TFDP1: variants seen among roughly 807,000 people sequenced by gnomAD.
TFDP1 encodes the protein transcription factor Dp-1.
TFDP1 carries 6 observed loss-of-function variants against 48.0 expected under a neutral mutation model. The ratio of observed to expected loss-of-function variants is 0.13; its 90% CI spans 0.07 to 0.25. The LOEUF is 0.25. Among genes scored for constraint, TFDP1 ranks in the 10% least tolerant of loss-of-function variants. TFDP1 has a pLI of 1.00. For synonymous variants in TFDP1, 201 were observed against 211.6 expected (o/e 0.95, Z 0.44); for missense variants, 335 against 543.0 (o/e 0.62, Z 3.81).
intron 2 of TFDP1, among the ~76,000 whole-genome samples, chr13:113,600,036 C>T (rs2048373490): frequency 6.8e-6 from 1 of 148,124 alleles, no homozygotes; most frequent in Admixed American, 6.7e-5. Flanking sequence ...GGCTCCAGAA[C>T]CGTGAGAGAG....
rs760544215 is a variant in TFDP1, at chr13:113,631,752, C to T, written c.308+8C>T. ...CTCACCTTGGTCTGCCGGGTGAGCA[C>T]TTCCCTCTGGACCCTTAGAGTTGTA... On this transcript the variant is annotated splice_region_variant and intron_variant, in intron 5 of 11. Transcript: ENST00000375370. The T allele has an allele frequency of 1.2e-6, 2 of 1,613,886 alleles. No homozygotes were observed. Among genetic ancestry groups the T allele is most frequent in the South Asian group, 1.1e-5 (1 of 91,052 alleles).
At chr13:113,625,621 G>T (rs796272344) in intron 4 of TFDP1, among the ~76,000 whole-genome samples, 1 of 58,312 alleles carries the variant, frequency 1.7e-5, no homozygotes, top group African/African-American at 1.2e-4. Flanking sequence ...CGTCTCTCAC[G>T]TGTCCTCAGG....
rs4150790 is a variant in TFDP1, at chr13:113,634,145, C to T, written c.618+112C>T. 1,573 of 1,474,116 alleles carry T rather than the reference C, an allele frequency of 1.1e-3. 13 individuals are homozygous for T. The East Asian group carries it at 0.019, about 18-fold the overall frequency. 91.3% of individuals were successfully genotyped at this position (1,474,116 alleles called of 1,614,324 possible). On this transcript the variant is annotated intron_variant, in intron 7 of 11. Transcript: ENST00000375370. ...TCCGTGCCCTTATGCTCTCTGTGTCCGGCTGGCAGACGGTCATGCAGACGT... is the reference window on the plus strand; with the variant it reads ...TCCGTGCCCTTATGCTCTCTGTGTCTGGCTGGCAGACGGTCATGCAGACGT...
chr13:113,637,550 C>G, intron 10 of TFDP1: 1 of 1,419,018 alleles, frequency 7.0e-7, no homozygotes. Context: ...ACTGAGGCAG[C>G]AGCACACGTG....
intron 4 of TFDP1, among the ~76,000 whole-genome samples, chr13:113,631,378 T>C (rs2049332159): frequency 6.6e-6 from 1 of 152,106 alleles, no homozygotes; most frequent in Admixed American, 6.5e-5. Context: ...TCTTGTTGCT[T>C]TTGTCTAATT....
chr13:113,613,228 C>T (rs2048751016), intron 3 of TFDP1, among the ~76,000 whole-genome samples: 1 of 152,220 alleles, frequency 6.6e-6, no homozygotes, highest in Admixed American at 6.5e-5. Flanking sequence ...GTTGGTCAGA[C>T]TGGTTTCGAA....
intron 8 of TFDP1, among the ~76,000 whole-genome samples, 172 bp downstream of exon 8, chr13:113,634,774 A>G (rs2140619447): frequency 6.6e-6 from 1 of 150,822 alleles, no homozygotes; most frequent in South Asian, 2.1e-4. Context: ...TTATTCCCAG[A>G]GCGAGGTTGT....
intron 2 of TFDP1, among the ~76,000 whole-genome samples, chr13:113,608,300 A>T (rs917257496): frequency 2.0e-5 from 3 of 152,210 alleles, no homozygotes; most frequent in African/African-American, 7.2e-5. Context: ...GCTCATGCTC[A>T]TCCTGGTGAG....
intron 2 of TFDP1, 28 bp downstream of exon 2, chr13:113,585,877 C>T (rs190003987): frequency 3.1e-6 from 5 of 1,596,004 alleles, no homozygotes; most frequent in Admixed American, 3.3e-5. Flanking sequence ...ATGCTGCACA[C>T]GAATGTTTGC....
chr13:113,594,971 G>A (rs189986205), intron 2 of TFDP1, among the ~76,000 whole-genome samples: 41 of 152,302 alleles, frequency 2.7e-4, no homozygotes, highest in African/African-American at 9.4e-4. Context: ...CTATTTAGCC[G>A]TGTGTAATAA....
Position 113,613,635 on chromosome 13 carries a change from GCA to G in TFDP1, c.79+2574_79+2575del, listed in dbSNP as rs1257595999. 1.4e-4 allele frequency among the ~76,000 whole-genome samples: 20 copies of G among 146,896 alleles called. 1 individual carries two copies. Among genetic ancestry groups the G allele is most frequent in the African/African-American group, 3.3e-4 (13 of 38,990 alleles). On this transcript the variant is annotated intron_variant, in intron 3 of 11. Transcript: ENST00000375370. ...GCGTGGGTATGTGAGGAGTGTGTGT[GCA>G]TGTGTGTCTGCGTGAATGCGTGGGT...
intron 3 of TFDP1, among the ~76,000 whole-genome samples, chr13:113,621,644 T>C (rs2048997404): frequency 6.6e-6 from 1 of 152,246 alleles, no homozygotes; most frequent in African/African-American, 2.4e-5. Context: ...GCGAGCCTTC[T>C]GTTATGCCCG....
At chr13:113,622,098 C>T (rs371802113) in intron 3 of TFDP1, among the ~76,000 whole-genome samples, 3 of 152,226 alleles carry the variant, frequency 2.0e-5, no homozygotes, top group South Asian at 2.1e-4. Context: ...CCAGTGGACG[C>T]GTGACCCACA....
At chr13:113,589,935 G>A (rs927874734) in intron 2 of TFDP1, among the ~76,000 whole-genome samples, 2 of 152,204 alleles carry the variant, frequency 1.3e-5, no homozygotes, top group Non-Finnish European at 2.9e-5. Flanking sequence ...CGTCACACAC[G>A]ATTGTCCAGT....
chr13:113,618,533 T>A (rs993195667), intron 3 of TFDP1, among the ~76,000 whole-genome samples: 3 of 152,034 alleles, frequency 2.0e-5, no homozygotes, highest in South Asian at 2.1e-4. Flanking sequence ...AAACAACAAC[T>A]ACTACTACTA....
chr13:113,634,550 G>T lies in TFDP1; in HGVS notation c.635G>T (p.Arg212Ile). The change falls in exon 8 of 12, where the codon AGA becomes ATA. Residue 212 changes from arginine to isoleucine, a missense_variant. By Grantham distance (97) the Arg-to-Ile change is moderately conservative. Coordinates refer to ENST00000375370, the MANE Select transcript of TFDP1 (RefSeq NM_007111.5). ...CQNLEVERQR[R>I]LERIKQKQSQ... Reference sequence around the variant, plus strand: ...TTTTTGAAGGTGGAAAGACAGAGGAGACTTGAAAGAATAAAACAGAAACAG... The same window carrying T: ...TTTTTGAAGGTGGAAAGACAGAGGATACTTGAAAGAATAAAACAGAAACAG... 1 of 1,613,718 alleles carries T rather than the reference G, an allele frequency of 6.2e-7. No homozygotes were observed. Among genetic ancestry groups the T allele is most frequent in the Non-Finnish European group, 8.5e-7 (1 of 1,179,836 alleles).
chr13:113,616,185 A>G (rs1296521817), intron 3 of TFDP1, among the ~76,000 whole-genome samples: 1 of 147,332 alleles, frequency 6.8e-6, no homozygotes, highest in African/African-American at 2.6e-5. Flanking sequence ...CCTGGGTGAC[A>G]GAGTGAGACT....
intron 11 of TFDP1, among the ~76,000 whole-genome samples, chr13:113,639,594 T>G (rs537933291): frequency 6.6e-6 from 1 of 152,276 alleles, no homozygotes; most frequent in Non-Finnish European, 1.5e-5. Context: ...TATGGTTTTA[T>G]GTTAATTGAA....
chr13:113,600,326 C>T (rs561644529), intron 2 of TFDP1, among the ~76,000 whole-genome samples: 14 of 148,470 alleles, frequency 9.4e-5, no homozygotes, highest in Admixed American at 6.0e-4. Context: ...ACGTAGGGCT[C>T]CAGGACCATG....
Sources: gnomAD v4.1 joint callset for allele counts (sites outside exome capture counted in the v4.1 genomes callset) on GRCh38, gnomAD v4.1.1 for gene constraint, MANE v1.5 for transcripts, NCBI Gene and HGNC (gene_info 2026-07-23, HGNC 2026-07-21) for gene names.